C1orf94: variants seen among roughly 807,000 people sequenced by gnomAD.
C1orf94 encodes the protein chromosome 1 open reading frame 94.
In C1orf94, 45 loss-of-function variants were observed where a neutral mutation model predicts 53.6. The ratio of observed to expected loss-of-function variants is 0.84; its 90% CI spans 0.66 to 1.08. The LOEUF is 1.08. Ranked by LOEUF, C1orf94 falls within the 50% of genes least tolerant of loss-of-function variation. The pLI is 0.00. For missense variants in C1orf94, 762 were observed against 738.9 expected, an observed-to-expected ratio of 1.03 and a Z score of -0.36; for synonymous variants, 304 against 296.1, an observed-to-expected ratio of 1.03 and a Z score of -0.27.
upstream of C1orf94, among the ~76,000 whole-genome samples, chr1:34,173,469 A>G (rs986320541): frequency 6.6e-6 from 1 of 152,210 alleles, no homozygotes; most frequent in Non-Finnish European, 1.5e-5. Context: ...TTTGTGTCAG[A>G]GATGAAAGCC....
chr1:34,170,638 T>A lies in C1orf94; in HGVS notation c.-251+3467T>A, dbSNP rs181886823. On this transcript the variant is annotated intron_variant, in intron 1 of 6. Coordinates refer to the C1orf94 transcript ENST00000373374. ...GGATGGAAACCTCTTTTCTCCCAAG[T>A]CCCAGGGTCTGTATTGTATCTGGCA... Among the ~76,000 whole-genome samples, 12 of 152,168 alleles carry A rather than the reference T, an allele frequency of 7.9e-5. No individual in the cohort carries two copies. In the East Asian group the frequency reaches 2.3e-3, roughly 29 times the overall value.
chr1:34,178,661 G>C (rs953883952), intron 1 of C1orf94, among the ~76,000 whole-genome samples: 4 of 152,246 alleles, frequency 2.6e-5, no homozygotes. Flanking sequence ...CGGGAAGATG[G>C]CTGTAAATAG....
chr1:34,178,622 T>C (rs1642266813), intron 1 of C1orf94, among the ~76,000 whole-genome samples: 1 of 152,216 alleles, frequency 6.6e-6, no homozygotes, highest in African/African-American at 2.4e-5. Flanking sequence ...CACTGACATA[T>C]TCAGAGGACA....
chr1:34,212,435 G>T, intron 6 of C1orf94, 29 bp downstream of exon 6: 1 of 1,583,534 alleles, frequency 6.3e-7, no homozygotes, highest in Non-Finnish European at 8.6e-7. Flanking sequence ...GGAGCCTAAG[G>T]GTATCCAGAA....
intron 5 of C1orf94, among the ~76,000 whole-genome samples, chr1:34,210,836 G>C (rs1395118189): frequency 6.6e-6 from 1 of 151,990 alleles, no homozygotes; most frequent in Admixed American, 6.6e-5. Flanking sequence ...TGTATTTTTG[G>C]TAGAGACAGG....
At position 34,200,857 on chromosome 1, in the gene C1orf94, T is replaced by TG; in HGVS notation, c.1097dup (p.Glu367Ter). Reference sequence around the variant, plus strand: ...GGCCCCAGAGCCAGAAGGACGCCTGTGGTGAGGAGGGTTGCTGTGACGCAG... The same window carrying TG: ...GGCCCCAGAGCCAGAAGGACGCCTGTGGGTGAGGAGGGTTGCTGTGACGCAG... On this transcript the variant is annotated frameshift_variant, in exon 3 of 7. Transcript: ENST00000488417. LOFTEE classifies it high-confidence loss of function. 1 of 1,614,146 alleles carries TG rather than the reference T, an allele frequency of 6.2e-7. No homozygotes were observed. Among genetic ancestry groups the TG allele is most frequent in the Non-Finnish European group, 8.5e-7 (1 of 1,180,016 alleles).
chr1:34,192,112 A>G (rs1005455695), intron 1 of C1orf94, among the ~76,000 whole-genome samples: 1 of 152,186 alleles, frequency 6.6e-6, no homozygotes, highest in African/African-American at 2.4e-5. Flanking sequence ...GGTTTTTCCC[A>G]ACCCCAAAGA....
chr1:34,169,819 T>G (rs183885708), intron 1 of C1orf94, among the ~76,000 whole-genome samples: 12 of 152,334 alleles, frequency 7.9e-5, no homozygotes, highest in Admixed American at 6.5e-4. Flanking sequence ...AGGGCGAGGC[T>G]ATCACCATAG....
Position 34,177,307 on chromosome 1 carries a change from CG to C in C1orf94, c.-479del, listed in dbSNP as rs1398032030. Among the ~76,000 whole-genome samples the C allele has an allele frequency of 6.6e-5, 10 of 152,048 alleles. No individual in the cohort carries two copies. Among genetic ancestry groups the C allele is most frequent in the Admixed American group, 6.5e-5 (1 of 15,278 alleles). On this transcript the variant is annotated 5_prime_UTR_variant, in exon 1 of 7. Transcript: ENST00000488417. ...GGAACGCCCAGGCGAGCGCCTCCTG[CG>C]GGGCCCCGCCCCCCGAGTGCCTACA...
rs192039026 is a variant in C1orf94 at position 34,185,972 on chromosome 1, G to A, written c.320+7863G>A. Among the ~76,000 whole-genome samples the A allele has an allele frequency of 1.2e-3, 177 of 152,318 alleles. 4 individuals carry two copies. The East Asian group carries it at 0.022, about 19-fold the overall frequency. On this transcript the variant is annotated intron_variant, in intron 1 of 6. Transcript: ENST00000488417. Reference sequence around the variant, plus strand: ...CTCATGTTATTCCACTACCAGGAATGCCCTTCTCCCATATCTCTGTCTATC... The same window carrying A: ...CTCATGTTATTCCACTACCAGGAATACCCTTCTCCCATATCTCTGTCTATC...
At chr1:34,189,629 C>A (rs1642450103) in intron 1 of C1orf94, among the ~76,000 whole-genome samples, 1 of 151,656 alleles carries the variant, frequency 6.6e-6, no homozygotes, top group Non-Finnish European at 1.5e-5. Flanking sequence ...CCAGGGTGGG[C>A]TCCACTGGGG....
In C1orf94 at chr1:34,214,200, G is replaced by A. The variant is rs530815161; in HGVS notation, c.1721+1794G>A. ...TTCCAGTGAGCAGCACTGGGAGGAG[G>A]GCATTCCAGGCAGGAGGAGCAAGGC... On this transcript the variant is annotated intron_variant, in intron 6 of 6. Coordinates refer to ENST00000488417, the MANE Select transcript of C1orf94 (RefSeq NM_001134734.2). Among the ~76,000 whole-genome samples, 4 of 152,300 alleles carry A rather than the reference G, an allele frequency of 2.6e-5. No homozygotes were observed. In the South Asian group the frequency reaches 8.3e-4, roughly 32 times the overall value.
intron 4 of C1orf94, 122 bp downstream of exon 4, chr1:34,202,381 T>C (rs1187106004): frequency 2.8e-6 from 3 of 1,088,984 alleles, no homozygotes; most frequent in African/African-American, 1.6e-5. Context: ...CTTCCCTACA[T>C]GCAAGAGGCT....
chr1:34,167,268 G>C (rs1642052439), intron 1 of C1orf94: 1 of 152,248 alleles, frequency 6.6e-6, no homozygotes, highest in Non-Finnish European at 1.5e-5. Flanking sequence ...TCTTGGAGGC[G>C]GGGTTCTCCT....
At chr1:34,200,016 G>C (rs1642672658) in intron 2 of C1orf94, among the ~76,000 whole-genome samples, 1 of 152,156 alleles carries the variant, frequency 6.6e-6, no homozygotes, top group African/African-American at 2.4e-5. Context: ...ACCTTATCCT[G>C]GGGCTATTTC....
rs1453235197 is a variant in C1orf94 at position 34,208,140 on chromosome 1, CCT to C, written c.1447-14_1447-13del. 6.2e-7 allele frequency: 1 copy of C among 1,613,556 alleles called. No homozygotes were observed. Among genetic ancestry groups the C allele is most frequent in the Non-Finnish European group, 8.5e-7 (1 of 1,179,676 alleles). ...AAACCCCTTGCCTGGCCATACTGAG[CCT>C]CTGTTTCTCCCCAGGGCCTGTACCC... is the stretch of plus-strand genomic sequence containing the variant. On this transcript the variant is annotated splice_polypyrimidine_tract_variant and intron_variant, in intron 4 of 6. Coordinates refer to ENST00000488417, the MANE Select transcript of C1orf94 (RefSeq NM_001134734.2).
intron 1 of C1orf94, among the ~76,000 whole-genome samples, chr1:34,180,455 C>T (rs1366066285): frequency 6.6e-6 from 1 of 152,174 alleles, no homozygotes; most frequent in East Asian, 1.9e-4. Flanking sequence ...CTACCTCCAC[C>T]CCTCCATTTA....
chr1:34,195,482 G>A (rs1050323103), intron 1 of C1orf94, among the ~76,000 whole-genome samples: 1 of 152,110 alleles, frequency 6.6e-6, no homozygotes, highest in Non-Finnish European at 1.5e-5. Flanking sequence ...TGTTCCATGT[G>A]GGGGTAGAGA....
intron 5 of C1orf94, among the ~76,000 whole-genome samples, chr1:34,211,787 GCTGTGTAAATCACAA>G (rs1288947982): frequency 6.6e-6 from 1 of 152,156 alleles, no homozygotes; most frequent in Non-Finnish European, 1.5e-5. Flanking sequence ...AGAAGCCAGA[GCTGTGTAAATCACAA>G]CAGCTTTTTG....
Sources: allele counts gnomAD v4.1 joint callset (sites outside exome capture counted in the v4.1 genomes callset), GRCh38; gene constraint gnomAD v4.1.1; transcripts MANE v1.5; gene names NCBI Gene and HGNC (gene_info 2026-07-23, HGNC 2026-07-21).